SLC16A10: variants seen among roughly 807,000 people sequenced by gnomAD.
The protein encoded by SLC16A10 is monocarboxylate transporter 10.
SLC16A10 carries 27 observed loss-of-function variants against 40.0 expected under a neutral mutation model. The ratio of observed to expected loss-of-function variants is 0.67; its 90% CI spans 0.50 to 0.93. The LOEUF (loss-of-function observed/expected upper bound fraction) is 0.93. SLC16A10 is among the 40% of genes least tolerant of loss of function. SLC16A10 has a pLI of 0.00. For synonymous variants in SLC16A10, 213 were observed against 249.8 expected, an observed-to-expected ratio of 0.85 and a Z score of 1.39; for missense variants, 529 against 658.2, an observed-to-expected ratio of 0.80 and a Z score of 2.15.
chr6:111,145,330 C>T lies in SLC16A10; in HGVS notation c.344-27365C>T, dbSNP rs568033837. On this transcript the variant is annotated intron_variant, in intron 1 of 5. Transcript: ENST00000368851. ...GCTGGAGGATCACTTGAGCCTAGCA[C>T]GTTGAGGCTGCAATAAGCCATGTTT... Among the ~76,000 whole-genome samples the T allele has an allele frequency of 5.3e-5, 8 of 152,120 alleles. No homozygotes were observed. The South Asian group carries it at 8.3e-4, about 16-fold the overall frequency.
chr6:111,183,026 C>T (rs1453774585), intron 3 of SLC16A10, among the ~76,000 whole-genome samples: 2 of 152,182 alleles, frequency 1.3e-5, no homozygotes, highest in African/African-American at 4.8e-5. Flanking sequence ...TATGAAGAAG[C>T]CACAGGCATT....
intron 3 of SLC16A10, among the ~76,000 whole-genome samples, chr6:111,185,992 C>T (rs368761060): frequency 2.6e-5 from 4 of 151,978 alleles, no homozygotes; most frequent in East Asian, 1.9e-4. Context: ...TTCGACCTCC[C>T]GGACTCAAGC....
At chr6:111,189,219 A>T (rs1049672604) in intron 3 of SLC16A10, among the ~76,000 whole-genome samples, 1 of 152,222 alleles carries the variant, frequency 6.6e-6, no homozygotes, top group Non-Finnish European at 1.5e-5. Flanking sequence ...ATGGAAGGTG[A>T]TGGTAAGAGA....
intron 1 of SLC16A10, among the ~76,000 whole-genome samples, chr6:111,167,160 GA>G (rs1277085712): frequency 6.6e-6 from 1 of 152,164 alleles, no homozygotes; most frequent in Non-Finnish European, 1.5e-5. Flanking sequence ...TAGTGTAACT[GA>G]AAAGCAGGTT....
intron 3 of SLC16A10, among the ~76,000 whole-genome samples, chr6:111,188,407 C>A (rs1772936318): frequency 6.6e-6 from 1 of 151,778 alleles, no homozygotes; most frequent in Non-Finnish European, 1.5e-5. Context: ...TTTGCTTTTT[C>A]TTCAAGACTT....
chr6:111,195,646 G>C (rs1030379481), intron 3 of SLC16A10, among the ~76,000 whole-genome samples: 3 of 152,176 alleles, frequency 2.0e-5, no homozygotes, highest in African/African-American at 7.2e-5. Context: ...ACCAAATTGT[G>C]AACCAATGTG....
chr6:111,097,203 A>G (rs1166010604), intron 1 of SLC16A10, among the ~76,000 whole-genome samples: 3 of 152,224 alleles, frequency 2.0e-5, no homozygotes, highest in Non-Finnish European at 4.4e-5. Context: ...TGTTGCACAC[A>G]TCCAAGTGTA....
chr6:111,221,900 A>AG, intron 5 of SLC16A10, 103 bp from the exon 6 acceptor site: 1 of 1,110,242 alleles, frequency 9.0e-7, no homozygotes, highest in East Asian at 2.9e-5. Flanking sequence ...AAAAAAAAAA[A>AG]AAAGTCTGAT....
intron 1 of SLC16A10, among the ~76,000 whole-genome samples, chr6:111,111,042 T>C (rs1012733141): frequency 6.6e-6 from 1 of 152,166 alleles, no homozygotes; most frequent in Non-Finnish European, 1.5e-5. Flanking sequence ...GTCAACTTAC[T>C]GTAAATTACT....
At chr6:111,203,591 G>A (rs1430151304) in intron 3 of SLC16A10, among the ~76,000 whole-genome samples, 1 of 151,822 alleles carries the variant, frequency 6.6e-6, no homozygotes, top group African/African-American at 2.4e-5. Flanking sequence ...GCGTGGTGGT[G>A]CACACCTGTA....
chr6:111,188,895 T>A (rs543459544), intron 3 of SLC16A10, among the ~76,000 whole-genome samples: 1 of 152,214 alleles, frequency 6.6e-6, no homozygotes, highest in Non-Finnish European at 1.5e-5. Context: ...GATAAGAACA[T>A]TGAGGCTCAG....
Position 111,191,787 on chromosome 6 carries a change from T to TA in SLC16A10, c.942+14123dup, listed in dbSNP as rs1336743227. On this transcript the variant is annotated intron_variant, in intron 3 of 5. Coordinates refer to ENST00000368851, the MANE Select transcript of SLC16A10 (RefSeq NM_018593.5). ...AATGACCAGTGATGATCTTTTTTTT[T>TA]ATATATATTTGTTGGCTGCAAAAAT... Among the ~76,000 whole-genome samples, 3 of 152,202 alleles carry TA rather than the reference T, an allele frequency of 2.0e-5. No homozygotes were observed. The East Asian group carries it at 5.8e-4, about 29-fold the overall frequency.
intron 1 of SLC16A10, among the ~76,000 whole-genome samples, chr6:111,127,965 G>C (rs1771705812): frequency 6.6e-6 from 1 of 152,078 alleles, no homozygotes; most frequent in Non-Finnish European, 1.5e-5. Flanking sequence ...GCGTGGACTG[G>C]GTCGTCTTCC....
chr6:111,088,244 A>T (rs771855805), intron 1 of SLC16A10, 149 bp downstream of exon 1: 5 of 735,718 alleles, frequency 6.8e-6, no homozygotes, highest in Non-Finnish European at 6.4e-6. Flanking sequence ...TTCGAGTTGC[A>T]GACAGAGCCT....
In SLC16A10 at chr6:111,228,034, TAAC is replaced by T. The variant is rs1562440911; in HGVS notation, c.*5803_*5805del. 1 of 152,164 alleles carries T rather than the reference TAAC, an allele frequency of 6.6e-6. No homozygotes were observed. Among genetic ancestry groups the T allele is most frequent in the Non-Finnish European group, 1.5e-5 (1 of 68,016 alleles). 9.4% of individuals were successfully genotyped at this position (152,164 alleles called of 1,614,324 possible). ...GGATGTAAAAGTAACAAAAAAGGAA[TAAC>T]AACTAATATGGCCTGTGGATCTGAC... On this transcript the variant is annotated 3_prime_UTR_variant, in exon 6 of 6. Transcript: ENST00000368851.
At chr6:111,180,334 A>G (rs981099772) in intron 3 of SLC16A10, among the ~76,000 whole-genome samples, 4 of 152,210 alleles carry the variant, frequency 2.6e-5, no homozygotes, top group African/African-American at 9.6e-5. Context: ...ACTTGAGCCC[A>G]GCAGTTCAAG....
chr6:111,212,952 C>T (rs1773368449), intron 4 of SLC16A10, among the ~76,000 whole-genome samples: 1 of 152,052 alleles, frequency 6.6e-6, no homozygotes, highest in South Asian at 2.1e-4. Context: ...CTACGTGTGT[C>T]GTGGTATCTT....
At chr6:111,089,926 T>TG (rs1400082150) in intron 1 of SLC16A10, among the ~76,000 whole-genome samples, 1 of 115,232 alleles carries the variant, frequency 8.7e-6, no homozygotes, top group Admixed American at 8.6e-5. Context: ...TTTTTTTTTT[T>TG]TTTTTTTTTT....
Position 111,118,268 on chromosome 6 carries a change from A to T in SLC16A10, c.343+30173A>T, listed in dbSNP as rs550499191. Among the ~76,000 whole-genome samples, 14 of 152,348 alleles carry T rather than the reference A, an allele frequency of 9.2e-5. No homozygotes were observed. In the South Asian group the frequency reaches 2.9e-3, roughly 32 times the overall value. On this transcript the variant is annotated intron_variant, in intron 1 of 5. Transcript: ENST00000368851. ...ATTTTAGGAAATGTAATTATAACAT[A>T]AAAAAATGAATGCAAATGATAAAAG...
Sources: gnomAD v4.1 joint callset for allele counts (sites outside exome capture counted in the v4.1 genomes callset) on GRCh38, gnomAD v4.1.1 for gene constraint, MANE v1.5 for transcripts, NCBI Gene and HGNC (gene_info 2026-07-23, HGNC 2026-07-21) for gene names.